Variants in UNC79 observed in about 807,000 individuals in gnomAD.
UNC79 encodes the protein unc-79 subunit of NALCN channel complex.
In UNC79, 37 loss-of-function variants were observed where a neutral mutation model predicts 283.1. The observed-to-expected ratio is 0.13, with a 90% CI of 0.10 to 0.17. The LOEUF is 0.17. Among genes scored for constraint, UNC79 ranks in the 10% least tolerant of loss-of-function variants. The pLI is 1.00. For synonymous variants in UNC79, 1,107 were observed against 1,200.2 expected, an observed-to-expected ratio of 0.92 and a Z score of 1.61; for missense variants, 2,272 against 3,211.1, an observed-to-expected ratio of 0.71 and a Z score of 7.07.
intron 26 of UNC79, among the ~76,000 whole-genome samples, chr14:93,605,176 G>C (rs774009240): frequency 6.6e-6 from 1 of 151,738 alleles, no homozygotes; most frequent in East Asian, 1.9e-4. Flanking sequence ...TTAACTTTTG[G>C]TCCAGTAAGA....
chr14:93,648,025 C>G (rs749807573), intron 35 of UNC79, among the ~76,000 whole-genome samples: 8 of 152,202 alleles, frequency 5.3e-5, no homozygotes, highest in African/African-American at 1.9e-4. Context: ...CCACTGGGCC[C>G]CTCCCACAAC....
At chr14:93,586,032 C>T (rs1291899110) in intron 20 of UNC79, among the ~76,000 whole-genome samples, 6 of 152,102 alleles carry the variant, frequency 3.9e-5, no homozygotes, top group African/African-American at 1.4e-4. Context: ...CAGATGCCCA[C>T]CATCATGCCT....
intron 1 of UNC79, among the ~76,000 whole-genome samples, chr14:93,463,080 T>C (rs2057018404): frequency 6.6e-6 from 1 of 151,678 alleles, no homozygotes. Context: ...CACTTAGATA[T>C]CAACTAATAG....
At chr14:93,396,489 T>C (rs932733598) in intron 1 of UNC79, among the ~76,000 whole-genome samples, 1 of 152,202 alleles carries the variant, frequency 6.6e-6, no homozygotes, top group East Asian at 1.9e-4. Context: ...TTTTTTACTG[T>C]TCTTATAGTC....
chr14:93,504,376 A>T (rs2059434427), intron 7 of UNC79, among the ~76,000 whole-genome samples: 1 of 151,980 alleles, frequency 6.6e-6, no homozygotes, highest in Non-Finnish European at 1.5e-5. Context: ...TACTGCTAGG[A>T]TTTTGATTGG....
intron 27 of UNC79, among the ~76,000 whole-genome samples, chr14:93,616,115 A>G (rs1310068361): frequency 6.6e-6 from 1 of 152,088 alleles, no homozygotes; most frequent in African/African-American, 2.4e-5. Flanking sequence ...TGAAGTTTAT[A>G]TCATGTAAAT....
intron 8 of UNC79, among the ~76,000 whole-genome samples, chr14:93,526,643 G>A (rs1037585035): frequency 2.6e-5 from 4 of 152,154 alleles, no homozygotes; most frequent in Non-Finnish European, 4.4e-5. Flanking sequence ...GAACACATTA[G>A]TGTGGATGTA....
intron 41 of UNC79, among the ~76,000 whole-genome samples, chr14:93,679,483 A>G (rs745687323): frequency 2.0e-5 from 3 of 152,096 alleles, no homozygotes; most frequent in Non-Finnish European, 4.4e-5. Flanking sequence ...ATATTCTGCT[A>G]ATTTGCATGT....
chr14:93,455,749 A>T (rs1038554385), intron 1 of UNC79, among the ~76,000 whole-genome samples: 1 of 152,170 alleles, frequency 6.6e-6, no homozygotes, highest in Non-Finnish European at 1.5e-5. Flanking sequence ...TGTGAGATAG[A>T]TATGATTACC....
At chr14:93,334,948 A>G (rs967780087) in intron 1 of UNC79, 6 of 152,258 alleles carry the variant, frequency 3.9e-5, no homozygotes, top group Non-Finnish European at 7.3e-5. Flanking sequence ...GTTAAATAAG[A>G]TCAGTCCCCA....
intron 11 of UNC79, 40 bp from the exon 12 acceptor site, chr14:93,537,949 G>C: frequency 1.3e-6 from 2 of 1,565,556 alleles, no homozygotes; most frequent in South Asian, 2.4e-5. Context: ...AGTTTACCTC[G>C]GTGGTCAATT....
chr14:93,455,942 G>A (rs1595509640), intron 1 of UNC79, among the ~76,000 whole-genome samples: 1 of 150,418 alleles, frequency 6.6e-6, no homozygotes, highest in Non-Finnish European at 1.5e-5. Context: ...GTGTGTGTGT[G>A]TGTATGTGTG....
At chr14:93,664,155 A>G (rs1017874244) in intron 40 of UNC79, among the ~76,000 whole-genome samples, 2 of 152,166 alleles carry the variant, frequency 1.3e-5, no homozygotes, top group African/African-American at 4.8e-5. Flanking sequence ...ATGAGAAACT[A>G]TAAGAAATCG....
intron 31 of UNC79, among the ~76,000 whole-genome samples, chr14:93,636,901 C>A (rs2068554113): frequency 6.6e-6 from 1 of 152,220 alleles, no homozygotes; most frequent in Admixed American, 6.5e-5. Flanking sequence ...GTGATATTAG[C>A]CTTTCGTTTC....
At chr14:93,707,179 GA>G (rs527250244), downstream of UNC79, 532 of 335,786 alleles carry the variant, frequency 1.6e-3, 4 homozygotes, top group African/African-American at 8.7e-3. Flanking sequence ...TTTTTTTTAA[GA>G]AAAAAAAATA....
intron 26 of UNC79, among the ~76,000 whole-genome samples, chr14:93,607,904 C>T (rs1325122687): frequency 6.6e-6 from 1 of 152,232 alleles, no homozygotes; most frequent in East Asian, 1.9e-4. Flanking sequence ...TTCACTTCTT[C>T]ACTAACTTGC....
intron 1 of UNC79, among the ~76,000 whole-genome samples, chr14:93,395,442 C>T (rs2054974602): frequency 1.3e-5 from 2 of 152,138 alleles, no homozygotes; most frequent in Admixed American, 1.3e-4. Flanking sequence ...GCACATCTTA[C>T]CATGGTGGAG....
chr14:93,594,155 G>A (rs1337506204), intron 23 of UNC79, among the ~76,000 whole-genome samples: 1 of 152,114 alleles, frequency 6.6e-6, no homozygotes, highest in Non-Finnish European at 1.5e-5. Flanking sequence ...CAACCTATGA[G>A]TTTACTTGCA....
chr14:93,479,172 T>TTTCCTTCCTCCC (rs2057970331), intron 4 of UNC79, among the ~76,000 whole-genome samples: 2 of 120,560 alleles, frequency 1.7e-5, no homozygotes, highest in African/African-American at 6.5e-5. Context: ...GATGAGGCTG[T>TTTCCTTCCTCCC]TTCCTTCCTT....
Sources: gnomAD v4.1 joint callset for allele counts (sites outside exome capture counted in the v4.1 genomes callset) on GRCh38, gnomAD v4.1.1 for gene constraint, MANE v1.5 for transcripts, NCBI Gene and HGNC (gene_info 2026-07-23, HGNC 2026-07-21) for gene names.